The following NELFCD variants were observed in gnomAD, a reference collection of about 807,000 sequenced individuals.
NELFCD encodes the protein negative elongation factor complex member C/D, also known as negative elongation factor C/D.
In NELFCD, 48 loss-of-function variants were observed where a neutral mutation model predicts 72.9. The observed-to-expected ratio is 0.66, with a 90% CI of 0.52 to 0.84. NELFCD has a LOEUF of 0.84. NELFCD is among the 40% of genes least tolerant of loss of function. The probability of loss-of-function intolerance (pLI) is 0.00; values close to 1 mark genes in which losing one functional copy is unlikely to be tolerated. For synonymous variants in NELFCD, 297 were observed against 280.6 expected (o/e 1.06, Z -0.59); for missense variants, 538 against 723.8 (o/e 0.74, Z 2.94).
In NELFCD at chr20:58,994,346, C is replaced by T. The variant is rs560071533; in HGVS notation, c.1711+107C>T. On this transcript the variant is annotated intron_variant, in intron 14 of 14. Transcript: ENST00000652272. Reference sequence around the variant, plus strand: ...TGGGAGGCCAAGGTGGGTGGATCACCTGAGGTTGGGAGTTCAAGACCAGCC... The same window carrying T: ...TGGGAGGCCAAGGTGGGTGGATCACTTGAGGTTGGGAGTTCAAGACCAGCC... 1.1e-4 allele frequency: 134 copies of T among 1,232,808 alleles called. No individual in the cohort carries two copies. The East Asian group carries it at 2.2e-3, about 21-fold the overall frequency. 76.4% of individuals were successfully genotyped at this position (1,232,808 alleles called of 1,614,324 possible).
chr20:58,986,766 A>T lies in NELFCD; in HGVS notation c.189A>T (p.Ala63=). Reference sequence around the variant, plus strand: ...TTACTTTCCCTAGGTATTTTCAGGCAGGAGGGTCTCCAGAGAATGTTATCC... The same window carrying T: ...TTACTTTCCCTAGGTATTTTCAGGCTGGAGGGTCTCCAGAGAATGTTATCC... ...IFNTLKRYFQ[A]GGSPENVIQL... The change falls in exon 3 of 15, where the codon GCA becomes GCT. Residue 63 remains alanine, a synonymous_variant. Coordinates refer to ENST00000652272, the MANE Select transcript of NELFCD (RefSeq NM_198976.4). The surrounding 1 kb of genome is among the most constrained non-coding windows in gnomAD (Gnocchi z 4.4). 1 of 1,611,410 alleles carries T rather than the reference A, an allele frequency of 6.2e-7. No individual in the cohort carries two copies. The highest frequency in any genetic ancestry group is 8.5e-7 in the Non-Finnish European group (1 of 1,177,522).
At chr20:58,981,481 G>C in intron 1 of NELFCD, 112 bp downstream of exon 1, 2 of 297,176 alleles carry the variant, frequency 6.7e-6, no homozygotes, top group Non-Finnish European at 1.0e-5. Flanking sequence ...CGTGCGGGGG[G>C]TGTGCGCGCG....
In NELFCD at chr20:58,986,845, G is replaced by A; in HGVS notation, c.268G>A (p.Glu90Lys). The change falls in exon 3 of 15, where the codon GAG (glutamate) becomes AAG (lysine). Residue 90 changes from glutamate to lysine, a missense_variant. Transcript: ENST00000652272. This position sits in a 1 kb window ranked among gnomAD's most constrained non-coding sequence, Gnocchi z 4.4. The part of the protein sequence containing the change: ...AVAQTVNLLA[E>K]WLIQTGVEPV... Reference sequence around the variant, plus strand: ...GGCCCAGACTGTGAACCTGCTGGCCGAGTGGCTCATTCAGACAGGTGCTTT... The same window carrying A: ...GGCCCAGACTGTGAACCTGCTGGCCAAGTGGCTCATTCAGACAGGTGCTTT... 6.2e-7 allele frequency: 1 copy of A among 1,613,596 alleles called. No individual in the cohort carries two copies.
rs1414119737 is a variant in NELFCD, at chr20:58,986,945, C to T, written c.286+82C>T. ...CTTTTGGGTCCTTATAACACTGATA[C>T]AATGCCTTCTTTGATTTCCTGGTTT... is the stretch of plus-strand genomic sequence containing the variant. On this transcript the variant is annotated intron_variant, in intron 3 of 14. Coordinates refer to ENST00000652272, the MANE Select transcript of NELFCD (RefSeq NM_198976.4). The surrounding 1 kb of genome is among the most constrained non-coding windows in gnomAD (Gnocchi z 4.4). 1.3e-6 allele frequency: 1 copy of T among 742,606 alleles called. No individual in the cohort carries two copies. The highest frequency in any genetic ancestry group is 1.8e-5 in the African/African-American group (1 of 54,446). 46.0% of individuals were successfully genotyped at this position (742,606 alleles called of 1,614,324 possible).
intron 7 of NELFCD, chr20:58,990,462 G>T: frequency 5.8e-6 from 1 of 173,400 alleles, no homozygotes; most frequent in South Asian, 1.4e-4. Context: ...AGTTGGAGTT[G>T]TTTTTGGTAT....
chr20:58,989,723 G>A (rs770780332), intron 6 of NELFCD, 83 bp downstream of exon 6: 1 of 1,606,916 alleles, frequency 6.2e-7, no homozygotes, highest in Non-Finnish European at 8.5e-7. Flanking sequence ...TCCTTCCCTG[G>A]AGAGAATCTC....
rs767738870 is a variant in NELFCD at position 58,993,754 on chromosome 20, T to G, written c.1571T>G (p.Phe524Cys). 9 of 1,614,100 alleles carry G rather than the reference T, an allele frequency of 5.6e-6. No homozygotes were observed. The highest frequency in any genetic ancestry group is 7.6e-6 in the Non-Finnish European group (9 of 1,180,048). ...LDTDISLIRY[F>C]VTEVLDVIAP... is the part of the protein sequence containing the mutation. Reference sequence around the variant, plus strand: ...ACTGACATTTCACTCATTCGCTATTTTGTCACTGAGGTCAGCAATGCACCG... The same window carrying G: ...ACTGACATTTCACTCATTCGCTATTGTGTCACTGAGGTCAGCAATGCACCG... Residue 524 changes from phenylalanine to cysteine, a missense_variant, in exon 13 of 15, where the codon TTT (phenylalanine) becomes TGT (cysteine). Phe to Cys is a radical substitution (Grantham distance 205). Coordinates refer to ENST00000652272, the MANE Select transcript of NELFCD (RefSeq NM_198976.4). This position sits in a 1 kb window ranked among gnomAD's most constrained non-coding sequence, Gnocchi z 5.0.
chr20:58,991,306 C>T lies in NELFCD; in HGVS notation c.955-6C>T. The T allele has an allele frequency of 1.2e-6, 2 of 1,614,164 alleles. No homozygotes were observed. The highest frequency in any genetic ancestry group is 1.7e-6 in the Non-Finnish European group (2 of 1,180,034). ...CATCCCGAACTGGGCATATGCTTCTCCTCAGATCCGCGTTCCAGCCTTCCT... is the reference window on the plus strand; with the variant it reads ...CATCCCGAACTGGGCATATGCTTCTTCTCAGATCCGCGTTCCAGCCTTCCT... On this transcript the variant is annotated splice_region_variant and splice_polypyrimidine_tract_variant and intron_variant, in intron 8 of 14. Transcript: ENST00000652272.
chr20:58,987,805 T>C lies in NELFCD; in HGVS notation c.384T>C (p.Thr128=), dbSNP rs2091783446. ...FDPRKADSIF[T]EEGETPAWLE... Reference sequence around the variant, plus strand: ...CCCGCAAAGCAGATTCTATTTTTACTGAAGAAGGAGAGGTGAGAAATTATT... The same window carrying C: ...CCCGCAAAGCAGATTCTATTTTTACCGAAGAAGGAGAGGTGAGAAATTATT... The change falls in exon 4 of 15, where the codon ACT becomes ACC. Residue 128 remains threonine, a synonymous_variant. Transcript: ENST00000652272. 1.2e-6 allele frequency: 2 copies of C among 1,613,662 alleles called. No individual in the cohort carries two copies. Among genetic ancestry groups the C allele is most frequent in the Admixed American group, 3.3e-5 (2 of 60,030 alleles).
At chr20:58,992,848 CAAAAAA>C (rs371549496) in intron 10 of NELFCD, 144 bp from the exon 11 acceptor site, 97 of 417,822 alleles carry the variant, frequency 2.3e-4, no homozygotes, top group Non-Finnish European at 3.0e-4. Flanking sequence ...GACCCTGTCT[CAAAAAA>C]AAAAAAAAAA....
rs1336850399 is a variant in NELFCD, at chr20:58,991,052, A to G, written c.931A>G (p.Met311Val). The G allele has an allele frequency of 1.2e-6, 2 of 1,613,802 alleles. No individual in the cohort carries two copies. The highest frequency in any genetic ancestry group is 8.5e-7 in the Non-Finnish European group (1 of 1,179,828). Residue 311 changes from methionine to valine, a missense_variant, in exon 8 of 15, where the codon ATG becomes GTG. By Grantham distance (21) the Met-to-Val change is conservative (BLOSUM62 1). This residue lies in a region of NELFCD where 355 missense variants were observed against 534.5 expected (regional missense o/e 0.66). Coordinates refer to ENST00000652272, the MANE Select transcript of NELFCD (RefSeq NM_198976.4). Reference sequence around the variant, plus strand: ...CGTCCTGTTCAAGATGTTCACAAGCATGGACCCTCCTCCGGTTGAACTTGT... The same window carrying G: ...CGTCCTGTTCAAGATGTTCACAAGCGTGGACCCTCCTCCGGTTGAACTTGT... ...ITVLFKMFTS[M>V]DPPPVELIRV...
chr20:58,989,258 G>T, intron 5 of NELFCD: 3 of 627,356 alleles, frequency 4.8e-6, no homozygotes, highest in South Asian at 4.0e-5. Context: ...GGTTGGAGAG[G>T]AGCTTTAGGC....
At chr20:58,989,794 C>G in intron 6 of NELFCD, 64 bp from the exon 7 acceptor site, 1 of 1,611,620 alleles carries the variant, frequency 6.2e-7, no homozygotes, top group Admixed American at 1.7e-5. Context: ...GGAGGCTTGG[C>G]TCTCGTCCGC....
At position 58,989,520 on chromosome 20, in the gene NELFCD, C is replaced by T. The variant is rs757708705; in HGVS notation, c.537C>T (p.Ile179=). 2 of 1,614,194 alleles carry T rather than the reference C, an allele frequency of 1.2e-6. No individual in the cohort carries two copies. The highest frequency in any genetic ancestry group is 2.2e-5 in the East Asian group (1 of 44,884). ...CTGACGCAGGGTACCAGGGGGAGAT[C>T]ACCAGTGTGTCCACAGCATGCCAGC... The part of the protein sequence containing the change: ...LISDAGYQGE[I]TSVSTACQQL... Residue 179 remains isoleucine (I), a synonymous_variant, in exon 6 of 15, where the codon ATC becomes ATT. Transcript: ENST00000652272.
intron 3 of NELFCD, 182 bp downstream of exon 3, chr20:58,987,045 C>T: frequency 3.7e-6 from 2 of 540,216 alleles, no homozygotes; most frequent in African/African-American, 2.0e-5. Flanking sequence ...ATCTGCTTGC[C>T]TCTTATCTTT....
intron 5 of NELFCD, chr20:58,989,268 C>T (rs866641846): frequency 1.1e-5 from 7 of 631,748 alleles, no homozygotes; most frequent in African/African-American, 5.5e-5. Context: ...GAGCTTTAGG[C>T]GTGCCTGCTT....
chr20:58,994,575 A>AG (rs2091844718), intron 14 of NELFCD, 67 bp from the exon 15 acceptor site: 1 of 1,363,844 alleles, frequency 7.3e-7, no homozygotes, highest in East Asian at 2.3e-5. Context: ...AAAAAAAAAA[A>AG]AAAAAGAAAG....
chr20:58,993,507 T>C lies in NELFCD; in HGVS notation c.1403T>C (p.Phe468Ser). The C allele has an allele frequency of 1.2e-6, 2 of 1,614,216 alleles. No homozygotes were observed. Among genetic ancestry groups the C allele is most frequent in the East Asian group, 2.2e-5 (1 of 44,886 alleles). Residue 468 changes from phenylalanine to serine, a missense_variant, in exon 12 of 15, where the codon TTT (phenylalanine) becomes TCT (serine). Phe to Ser is a radical substitution (Grantham distance 155). Around this residue, in one of 3 missense-constraint regions of NELFCD, gnomAD observed 136 missense variants for 154.0 expected, o/e 0.88. Transcript: ENST00000652272. This position sits in a 1 kb window ranked among gnomAD's most constrained non-coding sequence, Gnocchi z 5.0. ...PQVLQLLVKLFETEHSQLDVM... is the reference protein window; with the variant it reads ...PQVLQLLVKLSETEHSQLDVM... ...GTCCTGCAGCTGCTTGTTAAGCTTT[T>C]TGAGACTGAGCACTCCCAGCTGGAC...
At chr20:58,992,848 C>CAAAAAAAAAAA in intron 10 of NELFCD, 150 bp from the exon 11 acceptor site, 7 of 415,884 alleles carry the variant, frequency 1.7e-5, no homozygotes, top group Non-Finnish European at 4.2e-6. Flanking sequence ...GACCCTGTCT[C>CAAAAAAAAAAA]AAAAAAAAAA....
Sources: allele counts gnomAD v4.1 joint callset, GRCh38; gene constraint gnomAD v4.1.1; regional missense constraint gnomAD v4.1.1; non-coding constraint Gnocchi (gnomAD v3.1); transcripts MANE v1.5; gene names NCBI Gene and HGNC (gene_info 2026-07-23, HGNC 2026-07-21).